PSIP1: variants seen among roughly 807,000 people sequenced by gnomAD.
PSIP1 encodes the protein PC4 and SFRS1-interacting protein.
A neutral mutation model predicts 74.7 loss-of-function variants in PSIP1; 19 were observed. The observed-to-expected ratio is 0.25, with a 90% CI of 0.18 to 0.37. PSIP1 has a LOEUF of 0.37. Among genes scored for constraint, PSIP1 ranks in the 10% least tolerant of loss-of-function variants. The pLI is 1.00. For missense variants in PSIP1, 601 were observed against 614.3 expected, an observed-to-expected ratio of 0.98 and a Z score of 0.23; for synonymous variants, 222 against 195.3, an observed-to-expected ratio of 1.14 and a Z score of -1.14.
intron 8 of PSIP1, 148 bp downstream of exon 8, chr9:15,478,329 T>C: frequency 1.6e-6 from 1 of 631,030 alleles, no homozygotes; most frequent in South Asian, 2.5e-5. Context: ...CTTTACAAAA[T>C]TTTCCCAGTT....
At chr9:15,504,006 A>T (rs1040835221) in intron 3 of PSIP1, among the ~76,000 whole-genome samples, 1 of 152,186 alleles carries the variant, frequency 6.6e-6, no homozygotes, top group African/African-American at 2.4e-5. Context: ...CAGCCTCCCA[A>T]AGTGCTGGGA....
At chr9:15,495,345 G>C (rs941170255) in intron 3 of PSIP1, among the ~76,000 whole-genome samples, 1 of 151,900 alleles carries the variant, frequency 6.6e-6, no homozygotes, top group Non-Finnish European at 1.5e-5. Flanking sequence ...CTCAAAAAAA[G>C]CAGTTCTTAA....
intron 8 of PSIP1, among the ~76,000 whole-genome samples, chr9:15,474,753 T>C (rs956978621): frequency 6.6e-6 from 1 of 152,152 alleles, no homozygotes; most frequent in African/African-American, 2.4e-5. Context: ...TTTATGCAAG[T>C]TGGTACTACA....
In PSIP1 at chr9:15,510,249, G is replaced by C; in HGVS notation, c.-61C>G. The C allele has an allele frequency of 1.3e-6, 2 of 1,527,696 alleles. No individual in the cohort carries two copies. Among genetic ancestry groups the C allele is most frequent in the African/African-American group, 1.4e-5 (1 of 70,438 alleles). The allele number at this position is 1,527,696 out of a possible 1,614,324, so 94.6% of individuals were successfully genotyped here. On this transcript the variant is annotated 5_prime_UTR_variant, in exon 2 of 16. Coordinates refer to ENST00000380733, the MANE Select transcript of PSIP1 (RefSeq NM_033222.5). ...AGGCGGCGAGGAGATGCGGCGGCGC[G>C]GGGATGCGGGCGGCGGACGCGGGCC...
intron 15 of PSIP1, among the ~76,000 whole-genome samples, chr9:15,466,180 C>A (rs1308379668): frequency 6.6e-6 from 1 of 152,202 alleles, no homozygotes; most frequent in East Asian, 1.9e-4. Context: ...GAGTTCGAGG[C>A]CGGGCTGGCC....
At position 15,489,933 on chromosome 9, in the gene PSIP1, A is replaced by G. The variant is rs1180044480; in HGVS notation, c.288+53T>C. 7.3e-6 allele frequency: 10 copies of G among 1,373,940 alleles called. No individual in the cohort carries two copies. The African/African-American group carries it at 1.3e-4, about 18-fold the overall frequency. 85.1% of individuals were successfully genotyped at this position (1,373,940 alleles called of 1,614,324 possible). On this transcript the variant is annotated intron_variant, in intron 4 of 15. Coordinates refer to ENST00000380733, the MANE Select transcript of PSIP1 (RefSeq NM_033222.5). Reference sequence around the variant, plus strand: ...TTACTTTCCTACAGCTAGGATAGTGATTATTCCCCAGGATTAAATAAGTAA... The same window carrying G: ...TTACTTTCCTACAGCTAGGATAGTGGTTATTCCCCAGGATTAAATAAGTAA...
Position 15,474,056 on chromosome 9 carries a change from A to C in PSIP1, c.811T>G (p.Ser271Ala), listed in dbSNP as rs1291875192. 1 of 1,613,544 alleles carries C rather than the reference A, an allele frequency of 6.2e-7. No individual in the cohort carries two copies. Among genetic ancestry groups the C allele is most frequent in the Non-Finnish European group, 8.5e-7 (1 of 1,179,892 alleles). Residue 271 changes from serine to alanine, a missense_variant, in exon 9 of 16, where the codon TCA becomes GCA. Ser to Ala is a moderately conservative substitution (Grantham distance 99). Around this residue, in one of 2 missense-constraint regions of PSIP1, gnomAD observed 538 missense variants for 507.6 expected, o/e 1.06. Transcript: ENST00000380733. The stretch of plus-strand genomic sequence containing the variant: ...CCTTCTTCTTCAGAATCGGAGGTTG[A>C]AGTAACCCCTGTTTTAGCTAAATTT... Reference protein sequence around the residue: ...RKNLAKTGVTSTSDSEEEGDD... With the variant: ...RKNLAKTGVTATSDSEEEGDD...
Position 15,486,853 on chromosome 9 carries a change from C to A in PSIP1, c.367G>T (p.Asp123Tyr), listed in dbSNP as rs1305422833. The change falls in exon 5 of 16, where the codon GAC becomes TAC. Residue 123 changes from aspartate to tyrosine, a missense_variant. Physicochemically the swap from Asp to Tyr is radical, Grantham distance 160. Transcript: ENST00000380733. The stretch of plus-strand genomic sequence containing the variant: ...TCATTGCTGGCTTTTTCTTCATGGT[C>A]GGTATCTTCCTTTGAAACACTAGTT... Reference protein sequence around the residue: ...KETSVSKEDTDHEEKASNEDV... With the variant: ...KETSVSKEDTYHEEKASNEDV... 6.2e-7 allele frequency: 1 copy of A among 1,609,404 alleles called. No individual in the cohort carries two copies. The highest frequency in any genetic ancestry group is 1.1e-5 in the South Asian group (1 of 90,432).
intron 14 of PSIP1, among the ~76,000 whole-genome samples, chr9:15,468,105 G>C (rs2035706756): frequency 7.3e-6 from 1 of 136,280 alleles, no homozygotes; most frequent in Admixed American, 8.0e-5. Flanking sequence ...TGGACAACAA[G>C]AGCGAAACTC....
At chr9:15,486,109 TC>T in intron 5 of PSIP1, 41 bp from the exon 6 acceptor site, 1 of 1,473,182 alleles carries the variant, frequency 6.8e-7, no homozygotes. Context: ...AATAAATTAT[TC>T]CAGGAATGAA....
At chr9:15,472,800 G>T in intron 9 of PSIP1, 50 bp from the exon 10 acceptor site, 1 of 1,476,866 alleles carries the variant, frequency 6.8e-7, no homozygotes, top group Non-Finnish European at 9.1e-7. Context: ...TCAGTGACTA[G>T]TGCTTATGGA....
intron 9 of PSIP1, among the ~76,000 whole-genome samples, chr9:15,473,718 T>C (rs1180047884): frequency 4.6e-5 from 7 of 151,944 alleles, no homozygotes; most frequent in East Asian, 3.9e-4. Context: ...CTGACCAAGA[T>C]TGCAAAACCT....
intron 8 of PSIP1, among the ~76,000 whole-genome samples, chr9:15,475,629 C>A (rs997140515): frequency 1.3e-5 from 2 of 151,976 alleles, no homozygotes; most frequent in African/African-American, 2.4e-5. Context: ...CAGTGGGATA[C>A]CATGCAGCTG....
chr9:15,478,436 G>A, intron 8 of PSIP1, 41 bp downstream of exon 8: 2 of 1,391,644 alleles, frequency 1.4e-6, no homozygotes, highest in South Asian at 2.4e-5. Flanking sequence ...AAAGTCAAAT[G>A]TCTCATTTAT....
Position 15,490,192 on chromosome 9 carries a change from C to A in PSIP1, c.150-68G>T, listed in dbSNP as rs367792237. On this transcript the variant is annotated intron_variant, in intron 3 of 15. Transcript: ENST00000380733. Reference sequence around the variant, plus strand: ...AATACATAATTTATTAGATAAGACACCCTATTACACAATTATCAAAAATAC... The same window carrying A: ...AATACATAATTTATTAGATAAGACAACCTATTACACAATTATCAAAAATAC... 7.5e-6 allele frequency: 10 copies of A among 1,332,762 alleles called. No individual in the cohort carries two copies. The South Asian group carries it at 9.5e-5, about 13-fold the overall frequency. 82.6% of individuals were successfully genotyped at this position (1,332,762 alleles called of 1,614,324 possible). A position where few individuals can be genotyped will look rare whatever the true frequency, so the allele number is the denominator to read the frequency against.
chr9:15,508,041 G>A (rs1205720048), intron 2 of PSIP1, among the ~76,000 whole-genome samples: 1 of 152,176 alleles, frequency 6.6e-6, no homozygotes, highest in African/African-American at 2.4e-5. Flanking sequence ...ACAGCTTAAA[G>A]AGTTTATGCA....
At chr9:15,472,901 C>G (rs564115918) in intron 9 of PSIP1, 151 bp from the exon 10 acceptor site, 1 of 697,650 alleles carries the variant, frequency 1.4e-6, no homozygotes, top group Non-Finnish European at 2.4e-6. Context: ...TGAATTACAC[C>G]TATCTCTGCA....
chr9:15,474,192 T>C lies in PSIP1; in HGVS notation c.675A>G (p.Lys225=), dbSNP rs1269731275. Residue 225 remains lysine (K), a synonymous_variant, in exon 9 of 16, where the codon AAA becomes AAG. Coordinates refer to ENST00000380733, the MANE Select transcript of PSIP1 (RefSeq NM_033222.5). ...DKSKKKGQEE[K]QPKKQPKKDE... is the part of the protein sequence containing the mutation. Reference sequence around the variant, plus strand: ...CCTTCTTAGGCTGCTTTTTAGGTTGTTTTTCCTCTTGCCCCTTTTTCTTAC... The same window carrying C: ...CCTTCTTAGGCTGCTTTTTAGGTTGCTTTTCCTCTTGCCCCTTTTTCTTAC... 3 of 1,613,212 alleles carry C rather than the reference T, an allele frequency of 1.9e-6. No homozygotes were observed. The highest frequency in any genetic ancestry group is 2.5e-6 in the Non-Finnish European group (3 of 1,179,836).
chr9:15,508,957 T>C (rs1241130350), intron 2 of PSIP1, among the ~76,000 whole-genome samples: 1 of 152,170 alleles, frequency 6.6e-6, no homozygotes, highest in Non-Finnish European at 1.5e-5. Context: ...GCAGACTTTA[T>C]AGGCAAGGAA....
Sources: gnomAD v4.1 joint callset for allele counts (sites outside exome capture counted in the v4.1 genomes callset) on GRCh38, gnomAD v4.1.1 for gene constraint, gnomAD v4.1.1 regional missense constraint, MANE v1.5 for transcripts, NCBI Gene and HGNC (gene_info 2026-07-23, HGNC 2026-07-21) for gene names.